Variants in PARD3B observed in about 807,000 individuals in gnomAD.
The protein encoded by PARD3B is par-3 family cell polarity regulator beta.
PARD3B carries 103 observed loss-of-function variants against 130.2 expected under a neutral mutation model. The observed-to-expected ratio is 0.79, with a 90% CI of 0.67 to 0.93. The LOEUF is 0.93. PARD3B is among the 40% of genes least tolerant of loss of function. The pLI, the probability that PARD3B is intolerant of heterozygous loss-of-function variation, is 0.00. For missense variants in PARD3B, 1,609 were observed against 1,499.2 expected, an observed-to-expected ratio of 1.07 and a Z score of -1.21; for synonymous variants, 583 against 553.2, an observed-to-expected ratio of 1.05 and a Z score of -0.76.
chr2:205,534,736 T>G (rs955840470), intron 21 of PARD3B, among the ~76,000 whole-genome samples: 19 of 152,220 alleles, frequency 1.2e-4, no homozygotes, highest in African/African-American at 4.6e-4. Context: ...CCCAAAGTGC[T>G]GGAATTACAG....
In PARD3B at chr2:205,291,604, G is replaced by C. The variant is rs574128236; in HGVS notation, c.2186-8926G>C. Among the ~76,000 whole-genome samples, 1 of 152,172 alleles carries C rather than the reference G, an allele frequency of 6.6e-6. No individual in the cohort carries two copies. Among genetic ancestry groups the C allele is most frequent in the Non-Finnish European group, 1.5e-5 (1 of 68,024 alleles). On this transcript the variant is annotated intron_variant, in intron 16 of 22. Coordinates refer to ENST00000406610, the MANE Select transcript of PARD3B (RefSeq NM_001302769.2). This position sits in a 1 kb window ranked among gnomAD's most constrained non-coding sequence, Gnocchi z 4.6. ...CTGATTTCTCTAAAATCCAGATAGC[G>C]TATTTAATTAATGTAATTGTAGATA... is the stretch of plus-strand genomic sequence containing the variant.
intron 18 of PARD3B, among the ~76,000 whole-genome samples, chr2:205,376,792 C>T (rs1245027815): frequency 3.9e-5 from 6 of 152,122 alleles, no homozygotes; most frequent in African/African-American, 1.4e-4. Context: ...TAGGTGGCTA[C>T]AGCATTATGG....
At chr2:205,570,644 G>T (rs1434749393) in intron 22 of PARD3B, among the ~76,000 whole-genome samples, 17 of 152,120 alleles carry the variant, frequency 1.1e-4, no homozygotes, top group African/African-American at 4.1e-4. Flanking sequence ...CACAAAGCAG[G>T]TTGAATGGCA....
chr2:205,198,533 T>C (rs1054980422), intron 15 of PARD3B, among the ~76,000 whole-genome samples: 1 of 152,204 alleles, frequency 6.6e-6, no homozygotes, highest in South Asian at 2.1e-4. Context: ...TAGGAAATGT[T>C]TTTAGACACC....
At chr2:204,553,194 A>G (rs2030596853) in intron 1 of PARD3B, among the ~76,000 whole-genome samples, 1 of 152,208 alleles carries the variant, frequency 6.6e-6, no homozygotes, top group South Asian at 2.1e-4. Flanking sequence ...GTGCAACTCA[A>G]AATCACAATG....
intron 16 of PARD3B, among the ~76,000 whole-genome samples, chr2:205,285,147 C>G (rs1042701014): frequency 6.6e-6 from 1 of 152,010 alleles, no homozygotes; most frequent in Non-Finnish European, 1.5e-5. Context: ...TGGGGCAGAA[C>G]TGTGGCTTCT....
intron 2 of PARD3B, among the ~76,000 whole-genome samples, chr2:204,780,833 G>A (rs1448695959): frequency 6.6e-6 from 1 of 151,690 alleles, no homozygotes; most frequent in Non-Finnish European, 1.5e-5. Context: ...AGAAGAACAT[G>A]TCCTTTTCCT....
rs986168876 is a variant in PARD3B at position 204,866,423 on chromosome 2, T to C, written c.223-98729T>C. Among the ~76,000 whole-genome samples, 8 of 152,298 alleles carry C rather than the reference T, an allele frequency of 5.3e-5. No individual in the cohort carries two copies. In the East Asian group the frequency reaches 7.7e-4, roughly 15 times the overall value. On this transcript the variant is annotated intron_variant, in intron 2 of 22. Coordinates refer to ENST00000406610, the MANE Select transcript of PARD3B (RefSeq NM_001302769.2). ...TGTGAGCTGTCTTCTCTCCCGTTTC[T>C]TAAATTTCTCAAGCCATGTTTACAT...
intron 2 of PARD3B, among the ~76,000 whole-genome samples, chr2:204,905,417 C>T (rs1014631390): frequency 3.9e-5 from 6 of 152,110 alleles, no homozygotes; most frequent in African/African-American, 1.4e-4. Context: ...TCTCATTTTT[C>T]TTTAAATGTG....
intron 10 of PARD3B, among the ~76,000 whole-genome samples, chr2:205,136,015 T>C (rs1474160465): frequency 6.6e-6 from 1 of 152,130 alleles, no homozygotes; most frequent in Non-Finnish European, 1.5e-5. Context: ...TTAAAATCTG[T>C]CCCGGATGGC....
rs539731079 is a variant in PARD3B at position 205,158,934 on chromosome 2, C to T, written c.1620+27C>T. On this transcript the variant is annotated intron_variant, in intron 11 of 22. Coordinates refer to ENST00000406610, the MANE Select transcript of PARD3B (RefSeq NM_001302769.2). The surrounding 1 kb of genome is among the most constrained non-coding windows in gnomAD (Gnocchi z 5.4). ...TGGGTAGGAATGACATTTGTACATC[C>T]TTTGAGAAGGCACTTGGAGATGTGA... The T allele has an allele frequency of 1.2e-6, 2 of 1,609,198 alleles. No individual in the cohort carries two copies. Among genetic ancestry groups the T allele is most frequent in the Admixed American group, 3.3e-5 (2 of 59,812 alleles).
At chr2:205,255,318 C>T (rs534912597) in intron 16 of PARD3B, among the ~76,000 whole-genome samples, 1 of 152,226 alleles carries the variant, frequency 6.6e-6, no homozygotes, top group African/African-American at 2.4e-5. Flanking sequence ...GGGAGAAAAA[C>T]AGTTTTTTTC....
chr2:205,514,687 A>G (rs986854607), intron 21 of PARD3B, among the ~76,000 whole-genome samples: 5 of 152,102 alleles, frequency 3.3e-5, no homozygotes, highest in Non-Finnish European at 7.4e-5. Flanking sequence ...AAACTCTTAA[A>G]TAAACATATT....
rs1159752235 is a variant in PARD3B, at chr2:205,015,239, A to C, written c.395-32342A>C. 6.6e-6 allele frequency among the ~76,000 whole-genome samples: 1 copy of C among 152,214 alleles called. No homozygotes were observed. The highest frequency in any genetic ancestry group is 1.5e-5 in the Non-Finnish European group (1 of 68,044). On this transcript the variant is annotated intron_variant, in intron 3 of 22. Coordinates refer to ENST00000406610, the MANE Select transcript of PARD3B (RefSeq NM_001302769.2). The surrounding 1 kb of genome is among the most constrained non-coding windows in gnomAD (Gnocchi z 4.5). ...AAAATTATCAAGGAAATCATAAGGAAGACAAAATATATTTACTATTCATTA... is the reference window on the plus strand; with the variant it reads ...AAAATTATCAAGGAAATCATAAGGACGACAAAATATATTTACTATTCATTA...
At chr2:204,756,434 C>T (rs1404949368) in intron 2 of PARD3B, among the ~76,000 whole-genome samples, 1 of 152,036 alleles carries the variant, frequency 6.6e-6, no homozygotes, top group Admixed American at 6.6e-5. Flanking sequence ...TATTTTTTCT[C>T]CATTATTTGA....
At chr2:204,617,454 A>T (rs2034150747) in intron 1 of PARD3B, among the ~76,000 whole-genome samples, 1 of 152,104 alleles carries the variant, frequency 6.6e-6, no homozygotes, top group South Asian at 2.1e-4. Flanking sequence ...CTTTTTGGGG[A>T]GATGGACAGA....
intron 2 of PARD3B, among the ~76,000 whole-genome samples, chr2:204,759,782 C>G (rs1004235934): frequency 6.6e-6 from 1 of 152,034 alleles, no homozygotes; most frequent in Non-Finnish European, 1.5e-5. Flanking sequence ...GTGATTATAC[C>G]TGTTTTCTTA....
intron 15 of PARD3B, among the ~76,000 whole-genome samples, chr2:205,209,191 C>T (rs2037488050): frequency 6.9e-6 from 1 of 144,378 alleles, no homozygotes; most frequent in Non-Finnish European, 1.5e-5. Flanking sequence ...AACTGGATCC[C>T]TTCCTTACAC....
intron 16 of PARD3B, among the ~76,000 whole-genome samples, chr2:205,255,714 G>T (rs1430181693): frequency 6.6e-6 from 1 of 152,118 alleles, no homozygotes; most frequent in Non-Finnish European, 1.5e-5. Context: ...ACATTGCAAA[G>T]GATACACATG....
Sources: allele counts gnomAD v4.1 joint callset (sites outside exome capture counted in the v4.1 genomes callset), GRCh38; gene constraint gnomAD v4.1.1; non-coding constraint Gnocchi (gnomAD v3.1); transcripts MANE v1.5; gene names NCBI Gene and HGNC (gene_info 2026-07-23, HGNC 2026-07-21).